Variants in LEF1 observed in about 807,000 individuals in gnomAD.
LEF1 encodes the protein lymphoid enhancer binding factor 1, also known as lymphoid enhancer-binding factor 1.
In LEF1, 14 loss-of-function variants were observed where a neutral mutation model predicts 51.2. The observed-to-expected ratio is 0.27, with a 90% CI of 0.18 to 0.43. LEF1 has a LOEUF of 0.43. Ranked by LOEUF, LEF1 falls within the 20% of genes least tolerant of loss-of-function variation. LEF1 has a pLI of 1.00. For synonymous variants in LEF1, 185 were observed against 183.2 expected (o/e 1.01, Z -0.08); for missense variants, 386 against 512.0 (o/e 0.75, Z 2.37).
At chr4:108,052,442 C>T (rs1487130228) in intron 11 of LEF1, among the ~76,000 whole-genome samples, 1 of 152,194 alleles carries the variant, frequency 6.6e-6, no homozygotes, top group Non-Finnish European at 1.5e-5. Context: ...GAGAGGTAAA[C>T]AGATTCACAG....
intron 3 of LEF1, among the ~76,000 whole-genome samples, chr4:108,117,099 A>C (rs989370021): frequency 6.6e-6 from 1 of 152,158 alleles, no homozygotes; most frequent in Non-Finnish European, 1.5e-5. Flanking sequence ...CTTTGATTTT[A>C]TTTCTTTTGT....
At chr4:108,048,878 G>A in intron 11 of LEF1, 127 bp from the exon 12 acceptor site, 1 of 579,128 alleles carries the variant, frequency 1.7e-6, no homozygotes, top group Non-Finnish European at 2.7e-6. Flanking sequence ...GTTAATTTGG[G>A]GATGGCTAAA....
At chr4:108,106,398 G>A (rs193139284) in intron 3 of LEF1, among the ~76,000 whole-genome samples, 54 of 152,232 alleles carry the variant, frequency 3.5e-4, no homozygotes, top group Admixed American at 8.5e-4. Flanking sequence ...TGGGTGTGCC[G>A]GGTGAAGGGG....
chr4:108,099,582 A>ATGTGTGTGTG (rs1211981646), intron 3 of LEF1, among the ~76,000 whole-genome samples: 1 of 45,704 alleles, frequency 2.2e-5, no homozygotes, highest in African/African-American at 9.9e-5. Context: ...ATATATATAT[A>ATGTGTGTGTG]TATATATATA....
chr4:108,126,305 C>T (rs1353663481), intron 3 of LEF1, among the ~76,000 whole-genome samples: 1 of 152,040 alleles, frequency 6.6e-6, no homozygotes, highest in Non-Finnish European at 1.5e-5. Flanking sequence ...TCTAAGTCCC[C>T]AACTAGGACT....
intron 8 of LEF1, among the ~76,000 whole-genome samples, chr4:108,074,424 A>C (rs1738708229): frequency 6.6e-6 from 1 of 152,206 alleles, no homozygotes; most frequent in Admixed American, 6.5e-5. Flanking sequence ...GAAAAGGCTT[A>C]TTTTAAAATA....
intron 9 of LEF1, among the ~76,000 whole-genome samples, chr4:108,065,295 A>C (rs1156231119): frequency 3.3e-5 from 5 of 151,998 alleles, no homozygotes; most frequent in African/African-American, 1.2e-4. Context: ...GACTAGCCTG[A>C]CCAACATGGT....
At chr4:108,166,700 C>A in intron 1 of LEF1, 1 of 994,924 alleles carries the variant, frequency 1.0e-6, no homozygotes, top group Non-Finnish European at 1.2e-6. Context: ...CGATAAAGCG[C>A]CTTCCACCCT....
At position 108,092,939 on chromosome 4, in the gene LEF1, A is replaced by AAAAAAAAAAAAAAAAAC. The variant is rs1553952202; in HGVS notation, c.415-3683_415-3682insGTTTTTTTTTTTTTTTT. 7.5e-4 allele frequency among the ~76,000 whole-genome samples: 68 copies of AAAAAAAAAAAAAAAAAC among 90,704 alleles called. 2 individuals carry two copies. The highest frequency in any genetic ancestry group is 9.1e-3 in the Middle Eastern group (1 of 110). 59.5% of individuals were successfully genotyped at this position (90,704 alleles called of 152,430 possible). A position where few individuals can be genotyped will look rare whatever the true frequency, so the allele number is the denominator to read the frequency against. On this transcript the variant is annotated intron_variant, in intron 3 of 11. Coordinates refer to ENST00000265165, the MANE Select transcript of LEF1 (RefSeq NM_016269.5). ...ATGTAAAAAAAAAAAAAAAAAAAAAAAAAAAAAAAAGACAAGCAAAATCTG... is the reference window on the plus strand; with the variant it reads ...ATGTAAAAAAAAAAAAAAAAAAAAAAAAAAAAAAAAAAAAAACAAAAAAAAAAGACAAGCAAAATCTG...
intron 3 of LEF1, among the ~76,000 whole-genome samples, chr4:108,137,596 A>C (rs1743381721): frequency 6.6e-6 from 1 of 152,176 alleles, no homozygotes; most frequent in African/African-American, 2.4e-5. Context: ...TGTAGGAAGG[A>C]ACGGTATTGG....
At chr4:108,079,155 G>T (rs113227786) in intron 7 of LEF1, among the ~76,000 whole-genome samples, 2,232 of 152,256 alleles carry the variant, frequency 0.015, 21 homozygotes, top group African/African-American at 0.026. Flanking sequence ...ACTCAGGTAG[G>T]AACAGGTTCT....
Position 108,091,453 on chromosome 4 carries a change from G to C in LEF1, c.415-2196C>G, listed in dbSNP as rs889492487. ...CATCCAAAAGAAACTTACGGGGGGG[G>C]GAAAAAAAAGGAAAAAAAAATCACA... On this transcript the variant is annotated intron_variant, in intron 3 of 11. Transcript: ENST00000265165. Among the ~76,000 whole-genome samples the C allele has an allele frequency of 3.0e-3, 458 of 150,180 alleles. 4 individuals carry two copies. Among genetic ancestry groups the C allele is most frequent in the African/African-American group, 0.011 (430 of 40,818 alleles).
chr4:108,093,160 C>A lies in LEF1; in HGVS notation c.415-3903G>T, dbSNP rs371235351. ...GTCACCAGGGAATGGGTAGGTCAAG[C>A]CAGGACTACTGTATAAAATAGTACA... On this transcript the variant is annotated intron_variant, in intron 3 of 11. Coordinates refer to ENST00000265165, the MANE Select transcript of LEF1 (RefSeq NM_016269.5). Among the ~76,000 whole-genome samples, 9 of 152,148 alleles carry A rather than the reference C, an allele frequency of 5.9e-5. No individual in the cohort carries two copies. The East Asian group carries it at 1.2e-3, about 20-fold the overall frequency.
At chr4:108,054,281 G>T (rs1445978140) in intron 11 of LEF1, among the ~76,000 whole-genome samples, 1 of 152,220 alleles carries the variant, frequency 6.6e-6, no homozygotes, top group South Asian at 2.1e-4. Context: ...CGGGATGTGG[G>T]AGACGTATGT....
intron 3 of LEF1, among the ~76,000 whole-genome samples, chr4:108,139,615 C>T (rs554751587): frequency 4.6e-5 from 7 of 152,130 alleles, no homozygotes; most frequent in South Asian, 2.1e-4. Flanking sequence ...ATGACTCTCT[C>T]GGTAAGGAAA....
At chr4:108,103,746 C>T (rs1740968956) in intron 3 of LEF1, among the ~76,000 whole-genome samples, 1 of 152,306 alleles carries the variant, frequency 6.6e-6, no homozygotes, top group East Asian at 1.9e-4. Flanking sequence ...CCTCTTACTA[C>T]TAATTCAGTT....
chr4:108,168,853 C>T lies in LEF1; in HGVS notation c.-1086G>A, dbSNP rs1264028630. On this transcript the variant is annotated 5_prime_UTR_variant, in exon 1 of 12. Coordinates refer to ENST00000265165, the MANE Select transcript of LEF1 (RefSeq NM_016269.5). The surrounding 1 kb of genome is among the most constrained non-coding windows in gnomAD (Gnocchi z 4.6). ...AGGCTCCGGGCGCGTCCTGGTTCCT[C>T]GGCCCGAGAGCGCGCAGCCCGGGTC... The T allele has an allele frequency of 1.3e-5, 2 of 152,228 alleles. No individual in the cohort carries two copies. Among genetic ancestry groups the T allele is most frequent in the African/African-American group, 2.4e-5 (1 of 41,474 alleles). The allele number at this position is 152,228 out of a possible 1,614,324, so 9.4% of individuals were successfully genotyped here.
At chr4:108,105,078 A>G (rs1375664632) in intron 3 of LEF1, among the ~76,000 whole-genome samples, 4 of 152,064 alleles carry the variant, frequency 2.6e-5, no homozygotes, top group African/African-American at 9.7e-5. Flanking sequence ...ATAACCTGGA[A>G]ACGATACATA....
intron 3 of LEF1, among the ~76,000 whole-genome samples, chr4:108,129,380 A>G (rs963311460): frequency 3.9e-5 from 6 of 152,234 alleles, no homozygotes; most frequent in African/African-American, 1.4e-4. Flanking sequence ...CTGGAATTCC[A>G]AAGCAAATTA....
Sources: gnomAD v4.1 joint callset for allele counts (sites outside exome capture counted in the v4.1 genomes callset) on GRCh38, gnomAD v4.1.1 for gene constraint, Gnocchi (gnomAD v3.1) non-coding constraint, MANE v1.5 for transcripts, NCBI Gene and HGNC (gene_info 2026-07-23, HGNC 2026-07-21) for gene names.